RNF38: variants seen among roughly 807,000 people sequenced by gnomAD.
RNF38 encodes ring finger protein 38, also known as E3 ubiquitin-protein ligase RNF38.
Under a neutral mutation model 67.2 loss-of-function variants are expected in RNF38, and 15 were observed. That is an observed-to-expected ratio of 0.22 (90% CI 0.15 to 0.34). RNF38 has a LOEUF of 0.34. RNF38 is among the 10% of genes least tolerant of loss of function. RNF38 has a pLI of 1.00. For missense variants in RNF38, 524 were observed against 639.9 expected, an observed-to-expected ratio of 0.82 and a Z score of 1.95; for synonymous variants, 220 against 218.8, an observed-to-expected ratio of 1.01 and a Z score of -0.05.
In RNF38 at chr9:36,446,810, G is replaced by GAAAAAAA. The variant is rs60691553; in HGVS notation, n.242-22134_242-22128dup. 7.4e-4 allele frequency among the ~76,000 whole-genome samples: 21 copies of GAAAAAAA among 28,212 alleles called. 6 individuals carry two copies. The highest frequency in any genetic ancestry group is 1.7e-3 in the African/African-American group (13 of 7,710). The allele number at this position is 28,212 out of a possible 152,430, so 18.5% of individuals were successfully genotyped here. On this transcript the variant is annotated intron_variant and non_coding_transcript_variant, in intron 1 of 3. Coordinates refer to the RNF38 transcript ENST00000488058. ...GCGACAGAGTGAGACTCCGCCTCAA[G>GAAAAAAA]AAAAAAAAAAAAAAAAAAAAAAAAA...
intron 1 of RNF38, among the ~76,000 whole-genome samples, chr9:36,463,207 G>A (rs575050063): frequency 2.1e-4 from 32 of 152,270 alleles, no homozygotes; most frequent in African/African-American, 7.5e-4. Context: ...CTTCATAAGA[G>A]TAGAGGTTTT....
At chr9:36,458,174 G>C (rs558961697) in intron 1 of RNF38, among the ~76,000 whole-genome samples, 1 of 152,258 alleles carries the variant, frequency 6.6e-6, no homozygotes, top group East Asian at 1.9e-4. Context: ...CTTCTGGGTC[G>C]GGTGGGGACT....
chr9:36,461,774 T>C (rs1839738626), intron 1 of RNF38, among the ~76,000 whole-genome samples: 1 of 152,218 alleles, frequency 6.6e-6, no homozygotes, highest in African/African-American at 2.4e-5. Context: ...CCTAGATTCC[T>C]GGTTTAAGCA....
At chr9:36,486,813 C>T (rs184950272) in intron 1 of RNF38, among the ~76,000 whole-genome samples, 51 of 152,238 alleles carry the variant, frequency 3.4e-4, no homozygotes, top group Admixed American at 2.5e-3. Flanking sequence ...GAGATCATTA[C>T]TCCCAAACCA....
chr9:36,476,235 C>A (rs529881028), intron 1 of RNF38, among the ~76,000 whole-genome samples: 6 of 151,982 alleles, frequency 3.9e-5, no homozygotes, highest in Non-Finnish European at 7.4e-5. Context: ...AATGAGTCTC[C>A]CGTCTCCCCC....
chr9:36,475,891 C>A (rs899061992), intron 1 of RNF38, among the ~76,000 whole-genome samples: 3 of 150,714 alleles, frequency 2.0e-5, no homozygotes, highest in African/African-American at 7.3e-5. Flanking sequence ...TGGCTGTAGT[C>A]CCAGCTACTC....
upstream of RNF38, chr9:36,400,589 C>T (rs1004404801): frequency 7.1e-6 from 7 of 986,516 alleles, no homozygotes; most frequent in African/African-American, 3.5e-5. Flanking sequence ...GGGCAGCTCC[C>T]GCGGATCCTC....
At chr9:36,464,503 G>A (rs539665261) in intron 1 of RNF38, among the ~76,000 whole-genome samples, 6 of 152,046 alleles carry the variant, frequency 3.9e-5, no homozygotes, top group East Asian at 3.9e-4. Flanking sequence ...CCTGGGAGGC[G>A]GAGGTTGTGG....
intron 2 of RNF38, among the ~76,000 whole-genome samples, chr9:36,416,039 T>C (rs1268796784): frequency 6.6e-6 from 1 of 151,942 alleles, no homozygotes; most frequent in African/African-American, 2.4e-5. Context: ...TATTCTGATT[T>C]ATCAGGTGAT....
At chr9:36,481,982 A>C (rs1416489478) in intron 1 of RNF38, among the ~76,000 whole-genome samples, 1 of 152,178 alleles carries the variant, frequency 6.6e-6, no homozygotes, top group East Asian at 1.9e-4. Flanking sequence ...GCACTGTAAG[A>C]AGACAAGCGC....
chr9:36,476,519 C>CTTTTT (rs67780076), intron 1 of RNF38, among the ~76,000 whole-genome samples: 4 of 94,114 alleles, frequency 4.3e-5, no homozygotes, highest in Non-Finnish European at 6.4e-5. Context: ...ATCGGGCAAT[C>CTTTTT]TTTTTTTTTT....
intron 1 of RNF38, among the ~76,000 whole-genome samples, chr9:36,482,048 CTT>C (rs767211095): frequency 0.034 from 4,025 of 119,080 alleles, 94 homozygotes; most frequent in African/African-American, 0.11. Flanking sequence ...ATACTTTTGT[CTT>C]TTTTTTTTTT....
chr9:36,401,107 C>T (rs1838003520), upstream of RNF38: 32 of 984,956 alleles, frequency 3.2e-5, no homozygotes, highest in Non-Finnish European at 3.7e-5. Flanking sequence ...CCTAGCGAGC[C>T]CAGCGCGCCA....
chr9:36,423,805 C>A (rs1172312007), intron 2 of RNF38, among the ~76,000 whole-genome samples: 7 of 88,702 alleles, frequency 7.9e-5, no homozygotes, highest in Non-Finnish European at 1.3e-4. Flanking sequence ...AAAAATTAGC[C>A]GGGCGTGGTG....
At chr9:36,423,656 T>G (rs1200435170) in intron 2 of RNF38, among the ~76,000 whole-genome samples, 1 of 147,032 alleles carries the variant, frequency 6.8e-6, no homozygotes, top group African/African-American at 2.5e-5. Flanking sequence ...CTGATGAGTA[T>G]TGAAAAGCCC....
intron 2 of RNF38, among the ~76,000 whole-genome samples, chr9:36,416,740 A>ATTTTTTTT (rs1491451376): frequency 4.4e-4 from 32 of 73,026 alleles, no homozygotes; most frequent in African/African-American, 1.7e-3. Context: ...TGCTGCCTCG[A>ATTTTTTTT]TATTTTTTTT....
chr9:36,483,727 T>C (rs967218007), intron 1 of RNF38, among the ~76,000 whole-genome samples: 3 of 152,214 alleles, frequency 2.0e-5, no homozygotes, highest in East Asian at 3.8e-4. Flanking sequence ...GGATGGATCA[T>C]CTTTCTCTTA....
chr9:36,440,285 G>A (rs1222837727), intron 1 of RNF38, among the ~76,000 whole-genome samples: 2 of 151,980 alleles, frequency 1.3e-5, no homozygotes, highest in African/African-American at 2.4e-5. Flanking sequence ...GCTCACGCCT[G>A]TAACCTGTAA....
At chr9:36,375,071 A>G (rs1427928436) in intron 3 of RNF38, among the ~76,000 whole-genome samples, 1 of 152,222 alleles carries the variant, frequency 6.6e-6, no homozygotes, top group Non-Finnish European at 1.5e-5. Context: ...GCAACAAATA[A>G]TGAGGAAGAA....
Sources: allele counts gnomAD v4.1 joint callset (sites outside exome capture counted in the v4.1 genomes callset), GRCh38; gene constraint gnomAD v4.1.1; transcripts MANE v1.5; gene names NCBI Gene and HGNC (gene_info 2026-07-23, HGNC 2026-07-21).